The following SPAG16 variants were observed in gnomAD, a reference collection of about 807,000 sequenced individuals.
The protein encoded by SPAG16 is sperm-associated antigen 16 protein.
Under a neutral mutation model 80.4 loss-of-function variants are expected in SPAG16, and 86 were observed. The observed-to-expected ratio is 1.07, with a 90% CI of 0.90 to 1.28. The LOEUF (loss-of-function observed/expected upper bound fraction) is 1.28, where lower values mean the gene tolerates loss of function less well. Among genes scored for constraint, SPAG16 ranks in the 50% most tolerant of loss-of-function variants. The pLI, the probability that SPAG16 is intolerant of heterozygous loss-of-function variation, is 0.00. For missense variants in SPAG16, 870 were observed against 765.3 expected, an observed-to-expected ratio of 1.14 and a Z score of -1.61; for synonymous variants, 294 against 265.9, an observed-to-expected ratio of 1.11 and a Z score of -1.03.
At chr2:213,644,696 C>T (rs1198548195) in intron 10 of SPAG16, among the ~76,000 whole-genome samples, 1 of 152,168 alleles carries the variant, frequency 6.6e-6, no homozygotes, top group Non-Finnish European at 1.5e-5. Context: ...CTCAGTCAGT[C>T]TCTTTCTCTC....
intron 9 of SPAG16, among the ~76,000 whole-genome samples, chr2:213,456,452 T>C (rs374175814): frequency 1.3e-5 from 2 of 152,246 alleles, no homozygotes; most frequent in South Asian, 4.1e-4. Flanking sequence ...AGCATATGTA[T>C]GTCTGACATA....
chr2:213,328,651 G>C (rs2063944924), intron 5 of SPAG16, among the ~76,000 whole-genome samples: 1 of 152,100 alleles, frequency 6.6e-6, no homozygotes, highest in Non-Finnish European at 1.5e-5. Flanking sequence ...TGAGCCTTAG[G>C]AATGAGGACT....
At chr2:214,316,464 C>CAAAAA (rs1390818810) in intron 15 of SPAG16, among the ~76,000 whole-genome samples, 1 of 152,048 alleles carries the variant, frequency 6.6e-6, no homozygotes, top group Non-Finnish European at 1.5e-5. Context: ...TGCTATTGGT[C>CAAAAA]AAAAATGAGC....
intron 15 of SPAG16, among the ~76,000 whole-genome samples, chr2:214,175,133 G>C (rs925932945): frequency 6.6e-6 from 1 of 150,588 alleles, no homozygotes; most frequent in Non-Finnish European, 1.5e-5. Flanking sequence ...AAATAGATTA[G>C]AAGGATATGA....
At chr2:213,524,391 GTGGGGTTGGTGC>G (rs771302215) in intron 10 of SPAG16, among the ~76,000 whole-genome samples, 16 of 152,168 alleles carry the variant, frequency 1.1e-4, no homozygotes, top group Admixed American at 2.0e-4. Flanking sequence ...GAAGAGAAAT[GTGGGGTTGGTGC>G]TGCCTAGTGG....
intron 15 of SPAG16, among the ~76,000 whole-genome samples, chr2:214,316,680 C>T (rs1336070668): frequency 6.6e-6 from 1 of 151,914 alleles, no homozygotes; most frequent in Non-Finnish European, 1.5e-5. Flanking sequence ...ATTTGTAGAT[C>T]CTCAATCTTA....
At chr2:213,419,685 A>G (rs2069475300) in intron 9 of SPAG16, among the ~76,000 whole-genome samples, 1 of 152,206 alleles carries the variant, frequency 6.6e-6, no homozygotes, top group Non-Finnish European at 1.5e-5. Context: ...TTTTTCTTTG[A>G]AAAGAATTCA....
chr2:213,707,057 T>C (rs1410533899), intron 10 of SPAG16, among the ~76,000 whole-genome samples: 1 of 152,220 alleles, frequency 6.6e-6, no homozygotes, highest in Admixed American at 6.5e-5. Context: ...ATCACTTCTG[T>C]CATATTCTAT....
chr2:214,379,794 A>G lies in SPAG16; in HGVS notation c.1721-30346A>G, dbSNP rs147175782. Among the ~76,000 whole-genome samples, 593 of 152,038 alleles carry G rather than the reference A, an allele frequency of 3.9e-3. 4 individuals are homozygous for G. Among genetic ancestry groups the G allele is most frequent in the African/African-American group, 0.013 (544 of 41,320 alleles). On this transcript the variant is annotated intron_variant, in intron 15 of 15. Coordinates refer to ENST00000331683, the MANE Select transcript of SPAG16 (RefSeq NM_024532.5). ...GGGTAATTTGGCTTGCCAGGTGGGC[A>G]TACTAACCATGGCCCTAAGCACTTG...
At chr2:213,444,990 G>C (rs182614811) in intron 9 of SPAG16, among the ~76,000 whole-genome samples, 2 of 152,106 alleles carry the variant, frequency 1.3e-5, no homozygotes, top group African/African-American at 2.4e-5. Context: ...ACATATATTG[G>C]AGAAGGGAAA....
chr2:214,284,124 C>T (rs981764497), intron 15 of SPAG16, among the ~76,000 whole-genome samples: 1 of 152,132 alleles, frequency 6.6e-6, no homozygotes, highest in Non-Finnish European at 1.5e-5. Context: ...TTATATAGCA[C>T]CCCTCTTTTG....
intron 7 of SPAG16, among the ~76,000 whole-genome samples, chr2:213,354,556 C>T (rs531334608): frequency 2.0e-5 from 3 of 152,240 alleles, no homozygotes; most frequent in Admixed American, 1.3e-4. Flanking sequence ...CTGTTGTTTC[C>T]TGACTTTTTA....
chr2:213,558,081 A>G (rs917685190), intron 10 of SPAG16, among the ~76,000 whole-genome samples: 1 of 152,176 alleles, frequency 6.6e-6, no homozygotes, highest in Non-Finnish European at 1.5e-5. Flanking sequence ...CAATGAATGA[A>G]TACTTTATAA....
intron 14 of SPAG16, among the ~76,000 whole-genome samples, chr2:214,122,709 C>G (rs1370397451): frequency 6.6e-6 from 1 of 151,844 alleles, no homozygotes; most frequent in African/African-American, 2.4e-5. Context: ...TTGATGTCAA[C>G]TACCATTTAG....
At chr2:214,033,778 C>A (rs937831874) in intron 13 of SPAG16, among the ~76,000 whole-genome samples, 1 of 152,172 alleles carries the variant, frequency 6.6e-6, no homozygotes, top group Non-Finnish European at 1.5e-5. Context: ...GATACCCCTT[C>A]ACCTCTAAAT....
At chr2:213,668,088 G>T (rs911317492) in intron 10 of SPAG16, among the ~76,000 whole-genome samples, 2 of 151,942 alleles carry the variant, frequency 1.3e-5, no homozygotes, top group Non-Finnish European at 1.5e-5. Flanking sequence ...TTACAGGCAT[G>T]TGCCACCACG....
At chr2:214,113,625 C>T (rs983249189) in intron 14 of SPAG16, among the ~76,000 whole-genome samples, 5 of 152,186 alleles carry the variant, frequency 3.3e-5, no homozygotes, top group Non-Finnish European at 7.3e-5. Flanking sequence ...TCTACTGAAG[C>T]TTGTGCATGC....
At chr2:214,076,133 G>T (rs1034896707) in intron 13 of SPAG16, among the ~76,000 whole-genome samples, 1 of 152,072 alleles carries the variant, frequency 6.6e-6, no homozygotes, top group Non-Finnish European at 1.5e-5. Flanking sequence ...TAAATGAATA[G>T]TAAACAGTGA....
intron 11 of SPAG16, among the ~76,000 whole-genome samples, chr2:213,873,762 G>T (rs543393631): frequency 6.6e-6 from 1 of 151,998 alleles, no homozygotes; most frequent in Non-Finnish European, 1.5e-5. Flanking sequence ...TTTAAAGTGT[G>T]CTGTTCCATT....
Sources: gnomAD v4.1 joint callset for allele counts (sites outside exome capture counted in the v4.1 genomes callset) on GRCh38, gnomAD v4.1.1 for gene constraint, MANE v1.5 for transcripts, NCBI Gene and HGNC (gene_info 2026-07-23, HGNC 2026-07-21) for gene names.